The following VPS13B variants were observed in gnomAD, a reference collection of about 807,000 sequenced individuals.
VPS13B encodes the protein vacuolar protein sorting 13 homolog B, also known as intermembrane lipid transfer protein VPS13B.
VPS13B carries 285 observed loss-of-function variants against 426.4 expected under a neutral mutation model. That is an observed-to-expected ratio of 0.67 (90% CI 0.61 to 0.74). The LOEUF is 0.74. VPS13B is among the 30% of genes least tolerant of loss of function. VPS13B has a pLI of 0.00. For synonymous variants in VPS13B, 1,676 were observed against 1,676.4 expected, an observed-to-expected ratio of 1.00 and a Z score of 0.01; for missense variants, 4,537 against 4,782.6, an observed-to-expected ratio of 0.95 and a Z score of 1.51.
intron 3 of VPS13B, among the ~76,000 whole-genome samples, chr8:99,054,328 C>T (rs374499737): frequency 1.1e-4 from 17 of 152,266 alleles, no homozygotes; most frequent in South Asian, 1.0e-3. Context: ...ACATCTTCAC[C>T]GACACTTATT....
chr8:99,067,046 G>A (rs1159633627), intron 3 of VPS13B, among the ~76,000 whole-genome samples: 1 of 152,184 alleles, frequency 6.6e-6, no homozygotes, highest in Non-Finnish European at 1.5e-5. Flanking sequence ...GTGTTGGTGG[G>A]AGTGTAAATT....
chr8:99,604,645 G>A (rs370846498), intron 33 of VPS13B, among the ~76,000 whole-genome samples: 2 of 151,726 alleles, frequency 1.3e-5, no homozygotes, highest in South Asian at 2.1e-4. Context: ...GACTACAGGC[G>A]CCTGCCACTG....
chr8:99,848,925 T>A, intron 55 of VPS13B, 31 bp downstream of exon 55: 2 of 1,565,780 alleles, frequency 1.3e-6, no homozygotes, highest in Non-Finnish European at 1.8e-6. Flanking sequence ...AGTGACAACA[T>A]AGTAAGTGTT....
chr8:99,834,541 T>C (rs1815265705), intron 52 of VPS13B, among the ~76,000 whole-genome samples: 1 of 144,520 alleles, frequency 6.9e-6, no homozygotes. Context: ...TTATTTTTAT[T>C]TTTTATTTTT....
At chr8:99,044,169 T>C (rs903013254) in intron 3 of VPS13B, among the ~76,000 whole-genome samples, 6 of 144,466 alleles carry the variant, frequency 4.2e-5, no homozygotes, top group African/African-American at 1.3e-4. Context: ...CTGCAAGCTC[T>C]GCCTCCCGGG....
At chr8:99,056,298 C>T (rs1053084260) in intron 3 of VPS13B, among the ~76,000 whole-genome samples, 100 of 151,972 alleles carry the variant, frequency 6.6e-4, no homozygotes, top group African/African-American at 2.2e-3. Context: ...TGGGCTCAAG[C>T]GATCTGCCTG....
intron 33 of VPS13B, among the ~76,000 whole-genome samples, chr8:99,599,209 C>A (rs977856670): frequency 6.6e-6 from 1 of 151,992 alleles, no homozygotes; most frequent in Non-Finnish European, 1.5e-5. Flanking sequence ...TCTCAGTCAG[C>A]CCCTGTCCTC....
chr8:99,766,365 C>A (rs897384139), intron 39 of VPS13B, among the ~76,000 whole-genome samples: 3 of 152,130 alleles, frequency 2.0e-5, no homozygotes, highest in Non-Finnish European at 2.9e-5. Flanking sequence ...ATTACAGGCA[C>A]AAGCCACCAT....
intron 3 of VPS13B, among the ~76,000 whole-genome samples, chr8:99,053,387 G>A (rs985988690): frequency 3.3e-5 from 5 of 151,922 alleles, no homozygotes; most frequent in East Asian, 1.9e-4. Flanking sequence ...GAGAACATGC[G>A]GTTTTTTTGG....
intron 36 of VPS13B, among the ~76,000 whole-genome samples, chr8:99,713,386 T>C (rs959720960): frequency 6.6e-6 from 1 of 152,176 alleles, no homozygotes; most frequent in Non-Finnish European, 1.5e-5. Flanking sequence ...TTTGCTTTAA[T>C]TTTGACCACT....
chr8:99,639,626 TTATATA>T (rs1325143319), intron 33 of VPS13B, among the ~76,000 whole-genome samples: 1 of 149,240 alleles, frequency 6.7e-6, no homozygotes, highest in South Asian at 2.1e-4. Context: ...ACATAAGTTG[TTATATA>T]TATATAAGTT....
intron 25 of VPS13B, among the ~76,000 whole-genome samples, chr8:99,500,798 C>A (rs1425570861): frequency 6.6e-6 from 1 of 152,156 alleles, no homozygotes; most frequent in Non-Finnish European, 1.5e-5. Context: ...CCTAAAAGAA[C>A]TCAACATATC....
rs1357024187 is a variant in VPS13B at position 99,873,810 on chromosome 8, G to A, written c.11746-1608G>A. 2.0e-5 allele frequency among the ~76,000 whole-genome samples: 3 copies of A among 152,300 alleles called. No individual in the cohort carries two copies. The East Asian group carries it at 5.8e-4, about 29-fold the overall frequency. Reference sequence around the variant, plus strand: ...GCCAGCAGCACTGCCTTGTCAGTGAGCTTTCTTGAGCTGTCTGGCTCTTAG... The same window carrying A: ...GCCAGCAGCACTGCCTTGTCAGTGAACTTTCTTGAGCTGTCTGGCTCTTAG... On this transcript the variant is annotated intron_variant, in intron 61 of 61. Coordinates refer to ENST00000357162, the MANE Select transcript of VPS13B (RefSeq NM_152564.5).
chr8:99,507,782 G>A lies in VPS13B; in HGVS notation c.4224+579G>A, dbSNP rs898324828. The A allele has an allele frequency of 3.1e-6, 5 of 1,613,902 alleles. No homozygotes were observed. The highest frequency in any genetic ancestry group is 3.4e-6 in the Non-Finnish European group (4 of 1,179,950). ...CCATCACTTCAAGCCTTGGGGAAGA[G>A]TGTTGGTCTTTGGGGCAATGTGGAG... On this transcript the variant is annotated intron_variant, in intron 28 of 61. Transcript: ENST00000357162.
intron 39 of VPS13B, 41 bp downstream of exon 39, chr8:99,721,088 G>A (rs775251379): frequency 6.3e-7 from 1 of 1,599,918 alleles, no homozygotes; most frequent in Non-Finnish European, 8.6e-7. Flanking sequence ...AACATTGTGG[G>A]AAAGGGCTGA....
rs528705764 is a variant in VPS13B, at chr8:99,780,817, A to G, written c.7779+1786A>G. The stretch of plus-strand genomic sequence containing the variant: ...GTAAATATGAAAGTGCACTACTTTG[A>G]AATTATAGGACATTTGACATTGAAA... On this transcript the variant is annotated intron_variant, in intron 42 of 61. Transcript: ENST00000357162. 3.3e-5 allele frequency among the ~76,000 whole-genome samples: 5 copies of G among 152,294 alleles called. No homozygotes were observed. The East Asian group carries it at 7.7e-4, about 23-fold the overall frequency.
Position 99,809,511 on chromosome 8 carries a change from T to A in VPS13B, c.8078T>A (p.Leu2693His). 1 of 1,614,022 alleles carries A rather than the reference T, an allele frequency of 6.2e-7. No individual in the cohort carries two copies. The highest frequency in any genetic ancestry group is 8.5e-7 in the Non-Finnish European group (1 of 1,179,956). ...TASLIIKVQQLNGVQKQIIIC... is the reference protein window; with the variant it reads ...TASLIIKVQQHNGVQKQIIIC... ...TCTCTCATCATCAAGGTTCAGCAACTCAATGGAGTACAAAAACAGGTAAGT... is the reference window on the plus strand; with the variant it reads ...TCTCTCATCATCAAGGTTCAGCAACACAATGGAGTACAAAAACAGGTAAGT... Residue 2693 changes from leucine (L) to histidine (H), a missense_variant, in exon 44 of 62, where the codon CTC becomes CAC. Transcript: ENST00000357162.
intron 30 of VPS13B, among the ~76,000 whole-genome samples, chr8:99,542,441 A>G (rs1588478443): frequency 6.6e-6 from 1 of 152,210 alleles, no homozygotes; most frequent in East Asian, 1.9e-4. Flanking sequence ...GAGCTGTGGC[A>G]AATAGGCCAG....
At chr8:99,629,816 T>A (rs1400612163) in intron 33 of VPS13B, among the ~76,000 whole-genome samples, 1 of 152,208 alleles carries the variant, frequency 6.6e-6, no homozygotes, top group Non-Finnish European at 1.5e-5. Context: ...GTTTACATAT[T>A]GCCTTATTTC....
Sources: gnomAD v4.1 joint callset for allele counts (sites outside exome capture counted in the v4.1 genomes callset) on GRCh38, gnomAD v4.1.1 for gene constraint, MANE v1.5 for transcripts, NCBI Gene and HGNC (gene_info 2026-07-23, HGNC 2026-07-21) for gene names.